CABIN1: variants seen among roughly 807,000 people sequenced by gnomAD.
CABIN1 encodes calcineurin binding protein 1.
Under a neutral mutation model 227.7 loss-of-function variants are expected in CABIN1, and 133 were observed. The observed-to-expected ratio is 0.58, with a 90% CI of 0.51 to 0.67. The LOEUF is 0.67. CABIN1 is among the 30% of genes least tolerant of loss of function. CABIN1 has a pLI of 0.00. For synonymous variants in CABIN1, 1,086 were observed against 1,155.1 expected (o/e 0.94, Z 1.21); for missense variants, 2,408 against 2,852.5 (o/e 0.84, Z 3.55).
intron 18 of CABIN1, among the ~76,000 whole-genome samples, chr22:24,072,794 T>C (rs754543406): frequency 2.0e-5 from 3 of 152,168 alleles, no homozygotes; most frequent in Admixed American, 6.5e-5. Flanking sequence ...TTATGACAAA[T>C]GCTGACACTG....
rs560025387 is a variant in CABIN1 at position 24,165,518 on chromosome 22, G to C, written c.4911-12G>C. 3 of 1,610,620 alleles carry C rather than the reference G, an allele frequency of 1.9e-6. No homozygotes were observed. In the East Asian group the frequency reaches 6.7e-5, roughly 36 times the overall value. ...CCTCCTGTCCTCTCTGACTACCCCTGTATGACCGCAGGAAGTATCTGCGAG... is the reference window on the plus strand; with the variant it reads ...CCTCCTGTCCTCTCTGACTACCCCTCTATGACCGCAGGAAGTATCTGCGAG... On this transcript the variant is annotated splice_polypyrimidine_tract_variant and intron_variant, in intron 30 of 36. Transcript: ENST00000263119.
At chr22:24,157,099 G>A (rs1295933128) in intron 29 of CABIN1, among the ~76,000 whole-genome samples, 2 of 152,170 alleles carry the variant, frequency 1.3e-5, no homozygotes, top group African/African-American at 2.4e-5. Flanking sequence ...CGGAGGCCAG[G>A]GCGCCCCTGG....
At chr22:24,170,752 G>GCA (rs763336462) in intron 33 of CABIN1, among the ~76,000 whole-genome samples, 3 of 116,574 alleles carry the variant, frequency 2.6e-5, no homozygotes. Flanking sequence ...GTAGCAAACT[G>GCA]CCCCCCCCCC....
At chr22:24,038,049 C>T (rs142452400) in intron 3 of CABIN1, among the ~76,000 whole-genome samples, 2 of 152,280 alleles carry the variant, frequency 1.3e-5, no homozygotes, top group Non-Finnish European at 2.9e-5. Flanking sequence ...TCTCCAGGTG[C>T]GGCACCCTCC....
At chr22:24,015,586 C>T (rs1404633538) in intron 1 of CABIN1, among the ~76,000 whole-genome samples, 11 of 151,626 alleles carry the variant, frequency 7.3e-5, no homozygotes, top group African/African-American at 1.5e-4. Context: ...CCTTGTGATC[C>T]GCCCGCCTCA....
chr22:24,054,763 C>G, intron 8 of CABIN1, 110 bp from the exon 9 acceptor site: 1 of 1,364,790 alleles, frequency 7.3e-7, no homozygotes, highest in Non-Finnish European at 1.0e-6. Context: ...ATGGACATGG[C>G]AGCTCCAGGA....
chr22:24,142,577 T>G (rs556670788), intron 29 of CABIN1, among the ~76,000 whole-genome samples: 1 of 152,210 alleles, frequency 6.6e-6, no homozygotes, highest in African/African-American at 2.4e-5. Flanking sequence ...CTCTGGCTTG[T>G]AAGAGAGGTA....
Position 24,176,220 on chromosome 22 carries a change from C to A in CABIN1, c.6150C>A (p.His2050Gln), listed in dbSNP as rs1291901921. Residue 2050 changes from histidine to glutamine, a missense_variant, in exon 35 of 37, where the codon CAC becomes CAA. His to Gln is a conservative substitution (Grantham distance 24). This residue lies in a region of CABIN1 where 714 missense variants were observed against 773.8 expected (regional missense o/e 0.92). Coordinates refer to ENST00000263119, the MANE Select transcript of CABIN1 (RefSeq NM_012295.4). ...MAPTSSPAEPHCWPAEAALGT... is the reference protein window; with the variant it reads ...MAPTSSPAEPQCWPAEAALGT... ...CCACAAGTTCCCCGGCAGAGCCACA[C>A]TGCTGGCCGGCAGAGGCTGCCCTGG... The A allele has an allele frequency of 6.2e-7, 1 of 1,610,452 alleles. No individual in the cohort carries two copies. The highest frequency in any genetic ancestry group is 8.5e-7 in the Non-Finnish European group (1 of 1,179,066).
At chr22:24,161,344 G>T (rs893392926) in intron 29 of CABIN1, among the ~76,000 whole-genome samples, 1 of 152,122 alleles carries the variant, frequency 6.6e-6, no homozygotes, top group Non-Finnish European at 1.5e-5. Flanking sequence ...AGCCACTGTG[G>T]CCATCAGGGA....
chr22:24,030,037 A>G (rs2036385665), intron 1 of CABIN1, among the ~76,000 whole-genome samples: 1 of 152,334 alleles, frequency 6.6e-6, no homozygotes, highest in South Asian at 2.1e-4. Context: ...ATACTTGGGC[A>G]TTGAATAGCT....
chr22:24,137,639 C>T (rs2044501589), intron 29 of CABIN1, among the ~76,000 whole-genome samples: 1 of 152,220 alleles, frequency 6.6e-6, no homozygotes, highest in East Asian at 1.9e-4. Flanking sequence ...CCTCTGTCCT[C>T]CTCTGCTTTC....
At chr22:24,140,576 C>T (rs1312226812) in intron 29 of CABIN1, among the ~76,000 whole-genome samples, 2 of 152,248 alleles carry the variant, frequency 1.3e-5, no homozygotes, top group Non-Finnish European at 2.9e-5. Flanking sequence ...GGGTGAACTT[C>T]TCTCCCTGTC....
At chr22:24,027,962 A>C (rs1487988438) in intron 1 of CABIN1, among the ~76,000 whole-genome samples, 2 of 150,868 alleles carry the variant, frequency 1.3e-5, no homozygotes, top group African/African-American at 2.4e-5. Context: ...TTTAATCATT[A>C]CAGTCATGCT....
chr22:24,172,062 G>A, intron 34 of CABIN1, 67 bp downstream of exon 34: 2 of 1,547,868 alleles, frequency 1.3e-6, no homozygotes, highest in Non-Finnish European at 1.7e-6. Context: ...CCTGCGGGGA[G>A]AGTGTGAGTA....
chr22:24,166,365 G>A (rs1303123021), intron 31 of CABIN1, among the ~76,000 whole-genome samples: 1 of 152,230 alleles, frequency 6.6e-6, no homozygotes. Flanking sequence ...TTCAGGAGCA[G>A]TGCCACCTCC....
chr22:24,018,420 G>A (rs1205760833), intron 1 of CABIN1, among the ~76,000 whole-genome samples: 1 of 152,122 alleles, frequency 6.6e-6, no homozygotes, highest in South Asian at 2.1e-4. Context: ...GAATTCACCA[G>A]TATCTCCTTT....
rs536337848 is a variant in CABIN1 at position 24,095,196 on chromosome 22, G to A, written c.3787-735G>A. Among the ~76,000 whole-genome samples, 123 of 152,356 alleles carry A rather than the reference G, an allele frequency of 8.1e-4. 1 individual carries two copies. Among genetic ancestry groups the A allele is most frequent in the African/African-American group, 2.8e-3 (117 of 41,580 alleles). On this transcript the variant is annotated intron_variant, in intron 24 of 36. Transcript: ENST00000263119. ...CACTTAGCCAGGGCCTGCAATGGCA[G>A]TTCTCAGCCCTCATACCACCCACTG...
At position 24,178,528 on chromosome 22, in the gene CABIN1, G is replaced by A. The variant is rs2148855114; in HGVS notation, c.*332G>A. 2.6e-6 allele frequency: 1 copy of A among 379,320 alleles called. No individual in the cohort carries two copies. The highest frequency in any genetic ancestry group is 2.4e-5 in the South Asian group (1 of 41,994). The allele number at this position is 379,320 out of a possible 1,614,324, so 23.5% of individuals were successfully genotyped here. ...GGCCATATCCACCCCTCGACGCCGG[G>A]ATGAGCCGGCTCTGCCTGTGTCACA... On this transcript the variant is annotated 3_prime_UTR_variant, in exon 37 of 37. Coordinates refer to ENST00000263119, the MANE Select transcript of CABIN1 (RefSeq NM_012295.4).
intron 1 of CABIN1, among the ~76,000 whole-genome samples, chr22:24,028,322 T>G (rs1337412440): frequency 6.6e-6 from 1 of 152,032 alleles, no homozygotes; most frequent in Non-Finnish European, 1.5e-5. Context: ...AAAAATGAAG[T>G]GTGTCAAAAA....
Sources: allele counts gnomAD v4.1 joint callset (sites outside exome capture counted in the v4.1 genomes callset), GRCh38; gene constraint gnomAD v4.1.1; regional missense constraint gnomAD v4.1.1; transcripts MANE v1.5; gene names NCBI Gene and HGNC (gene_info 2026-07-23, HGNC 2026-07-21).